Variants in CDH12 observed in about 807,000 individuals in gnomAD.
CDH12 encodes the protein cadherin-12.
In CDH12, 41 loss-of-function variants were observed where a neutral mutation model predicts 74.1. The ratio of observed to expected loss-of-function variants is 0.55; its 90% CI spans 0.43 to 0.72. CDH12 has a LOEUF of 0.72. Ranked by LOEUF, CDH12 falls within the 30% of genes least tolerant of loss-of-function variation. CDH12 has a pLI of 0.00. For missense variants in CDH12, 945 were observed against 977.2 expected, an observed-to-expected ratio of 0.97 and a Z score of 0.44; for synonymous variants, 399 against 355.0, an observed-to-expected ratio of 1.12 and a Z score of -1.39.
rs186413730 is a variant in CDH12 at position 22,105,612 on chromosome 5, C to T, written c.-186-26750G>A. ...ACTCGGGAGGCTGAGGAAGGATAAT[C>T]GCTTGAACCCAGGAGGCAGAGGTTG... On this transcript the variant is annotated intron_variant, in intron 4 of 14. Transcript: ENST00000382254. 3.7e-3 allele frequency among the ~76,000 whole-genome samples: 563 copies of T among 151,648 alleles called. 11 individuals carry two copies. The highest frequency in any genetic ancestry group is 0.013 in the African/African-American group (529 of 41,484).
intron 3 of CDH12, among the ~76,000 whole-genome samples, chr5:22,285,149 A>C (rs1737079730): frequency 6.6e-6 from 1 of 152,174 alleles, no homozygotes; most frequent in African/African-American, 2.4e-5. Flanking sequence ...AGTGAGGACT[A>C]TTTTTAAGTG....
chr5:21,823,568 T>C (rs1748488155), intron 8 of CDH12, among the ~76,000 whole-genome samples: 1 of 152,138 alleles, frequency 6.6e-6, no homozygotes, highest in South Asian at 2.1e-4. Flanking sequence ...TAGATATTAC[T>C]ATAAATTATG....
At chr5:22,642,547 G>T (rs1465756272) in intron 1 of CDH12, among the ~76,000 whole-genome samples, 1 of 152,128 alleles carries the variant, frequency 6.6e-6, no homozygotes, top group Non-Finnish European at 1.5e-5. Context: ...TACACTTACG[G>T]AGCCCAGTTA....
chr5:22,516,537 G>A (rs11749745), intron 1 of CDH12, among the ~76,000 whole-genome samples: 8,679 of 152,228 alleles, frequency 0.057, 356 homozygotes, highest in East Asian at 0.19. Flanking sequence ...GGTCACACCT[G>A]TAATCCCAGC....
chr5:22,781,935 ATGAC>A (rs1420512273), intron 1 of CDH12, among the ~76,000 whole-genome samples: 4 of 152,124 alleles, frequency 2.6e-5, no homozygotes, highest in Non-Finnish European at 5.9e-5. Context: ...TTAAGATTTA[ATGAC>A]TGACTTTCTT....
At chr5:22,841,772 A>ATTAC (rs1320215051) in intron 1 of CDH12, among the ~76,000 whole-genome samples, 1 of 152,210 alleles carries the variant, frequency 6.6e-6, no homozygotes, top group African/African-American at 2.4e-5. Flanking sequence ...AACTGAGTCA[A>ATTAC]ATAAACATTA....
At chr5:22,373,900 C>A (rs114812753) in intron 3 of CDH12, among the ~76,000 whole-genome samples, 2 of 152,138 alleles carry the variant, frequency 1.3e-5, no homozygotes, top group African/African-American at 4.8e-5. Context: ...GGAAATATGA[C>A]ATCTCTTCAG....
At chr5:22,372,538 C>T (rs1741337789) in intron 3 of CDH12, among the ~76,000 whole-genome samples, 2 of 152,154 alleles carry the variant, frequency 1.3e-5, no homozygotes, top group African/African-American at 4.8e-5. Context: ...CACCAGGCTT[C>T]CAAGCCCTGA....
At chr5:22,521,210 G>A (rs753024915) in intron 1 of CDH12, among the ~76,000 whole-genome samples, 31 of 151,714 alleles carry the variant, frequency 2.0e-4, no homozygotes, top group Non-Finnish European at 4.4e-4. Context: ...ATTGGATGGG[G>A]TAAGCATAAT....
At chr5:22,059,336 CATCTATCTATCT>C (rs58259827) in intron 5 of CDH12, among the ~76,000 whole-genome samples, 2,701 of 144,072 alleles carry the variant, frequency 0.019, 67 homozygotes, top group East Asian at 0.12. Context: ...GTCTATCTAT[CATCTATCTATCT>C]ATCTATCTAT....
At chr5:22,636,397 T>C (rs1738842280) in intron 1 of CDH12, among the ~76,000 whole-genome samples, 1 of 152,142 alleles carries the variant, frequency 6.6e-6, no homozygotes, top group Non-Finnish European at 1.5e-5. Flanking sequence ...TTATAATAAT[T>C]AAAATGTGGA....
chr5:22,743,317 T>G (rs1389089844), intron 1 of CDH12, among the ~76,000 whole-genome samples: 1 of 149,522 alleles, frequency 6.7e-6, no homozygotes. Context: ...TGTATATGTA[T>G]ATATGCACAT....
intron 8 of CDH12, among the ~76,000 whole-genome samples, chr5:21,840,357 T>C (rs1344226748): frequency 1.3e-5 from 2 of 152,098 alleles, no homozygotes; most frequent in Non-Finnish European, 1.5e-5. Context: ...ACTTCAACTA[T>C]TGGCTCACTA....
At chr5:22,116,864 C>CTTTTTTTTTT in intron 4 of CDH12, among the ~76,000 whole-genome samples, 1 of 108,040 alleles carries the variant, frequency 9.3e-6, no homozygotes, top group Non-Finnish European at 1.9e-5. Context: ...CTGCAAGTCT[C>CTTTTTTTTTT]TTTTTTTTTT....
chr5:21,767,954 G>C (rs1745117462), intron 11 of CDH12, among the ~76,000 whole-genome samples: 1 of 151,644 alleles, frequency 6.6e-6, no homozygotes, highest in African/African-American at 2.4e-5. Context: ...ATTTTGAAAA[G>C]TAATGACCTA....
At chr5:22,820,122 AT>A (rs1260463993) in intron 1 of CDH12, among the ~76,000 whole-genome samples, 2 of 151,066 alleles carry the variant, frequency 1.3e-5, no homozygotes, top group African/African-American at 2.4e-5. Flanking sequence ...CATTAAAAAA[AT>A]TACTAAATTA....
intron 4 of CDH12, among the ~76,000 whole-genome samples, chr5:22,106,378 G>A (rs578026160): frequency 6.9e-4 from 105 of 152,124 alleles, no homozygotes; most frequent in Non-Finnish European, 1.2e-3. Flanking sequence ...ATTTTGGAAT[G>A]TATCTTGACA....
chr5:21,864,545 T>C lies in CDH12; in HGVS notation c.527-9755A>G, dbSNP rs79678291. 7.6e-4 allele frequency among the ~76,000 whole-genome samples: 115 copies of C among 152,258 alleles called. 2 individuals are homozygous for C. The East Asian group carries it at 0.017, about 22-fold the overall frequency. ...TTGGACTGCCTGTCCTCCAGAACTATAGGTCAAATGAATTTCTCTTCATGA... is the reference window on the plus strand; with the variant it reads ...TTGGACTGCCTGTCCTCCAGAACTACAGGTCAAATGAATTTCTCTTCATGA... On this transcript the variant is annotated intron_variant, in intron 6 of 14. Coordinates refer to ENST00000382254, the MANE Select transcript of CDH12 (RefSeq NM_004061.5).
intron 1 of CDH12, among the ~76,000 whole-genome samples, chr5:22,617,699 T>C (rs1454089148): frequency 1.3e-5 from 2 of 152,142 alleles, no homozygotes; most frequent in Admixed American, 6.6e-5. Context: ...TACCTGATTC[T>C]GCTCTTGTTT....
Sources: gnomAD v4.1 joint callset for allele counts (sites outside exome capture counted in the v4.1 genomes callset) on GRCh38, gnomAD v4.1.1 for gene constraint, MANE v1.5 for transcripts, NCBI Gene and HGNC (gene_info 2026-07-23, HGNC 2026-07-21) for gene names.